Variants in ALCAM observed in about 807,000 individuals in gnomAD.
The protein encoded by ALCAM is CD166 antigen.
A neutral mutation model predicts 70.9 loss-of-function variants in ALCAM; 30 were observed. The observed-to-expected ratio is 0.42, with a 90% CI of 0.32 to 0.57. ALCAM has a LOEUF of 0.57. Ranked by LOEUF, ALCAM falls within the 20% of genes least tolerant of loss-of-function variation. The pLI, the probability that ALCAM is intolerant of heterozygous loss-of-function variation, is 0.11. For missense variants in ALCAM, 591 were observed against 695.1 expected, an observed-to-expected ratio of 0.85 and a Z score of 1.68; for synonymous variants, 249 against 242.5, an observed-to-expected ratio of 1.03 and a Z score of -0.25.
chr3:105,556,155 C>T (rs1209356464), intron 14 of ALCAM, among the ~76,000 whole-genome samples: 10 of 151,880 alleles, frequency 6.6e-5, no homozygotes, highest in Admixed American at 2.0e-4. Context: ...AAGATTCATT[C>T]CTATCTTGCA....
intron 1 of ALCAM, among the ~76,000 whole-genome samples, chr3:105,466,919 C>A (rs1005988234): frequency 2.0e-5 from 3 of 151,292 alleles, no homozygotes; most frequent in Non-Finnish European, 4.4e-5. Flanking sequence ...AAATGACTTA[C>A]ATTAAGTAAG....
chr3:105,464,384 C>G (rs1937656769), intron 1 of ALCAM, among the ~76,000 whole-genome samples: 1 of 151,054 alleles, frequency 6.6e-6, no homozygotes, highest in East Asian at 1.9e-4. Flanking sequence ...GAAATATTTT[C>G]TATTTAACAA....
At chr3:105,375,368 G>A (rs901262423) in intron 1 of ALCAM, among the ~76,000 whole-genome samples, 18 of 152,098 alleles carry the variant, frequency 1.2e-4, no homozygotes, top group African/African-American at 4.3e-4. Flanking sequence ...GTACTTCACT[G>A]TGATAAATGC....
intron 1 of ALCAM, among the ~76,000 whole-genome samples, chr3:105,403,386 C>T (rs577323691): frequency 6.6e-6 from 1 of 152,268 alleles, no homozygotes; most frequent in South Asian, 2.1e-4. Flanking sequence ...GGCTGCGAGA[C>T]CTGAAAACGG....
intron 14 of ALCAM, chr3:105,552,807 T>G: frequency 7.5e-7 from 1 of 1,339,582 alleles, no homozygotes; most frequent in Non-Finnish European, 9.6e-7. Flanking sequence ...CGTTTATTTG[T>G]CTCAATCAAT....
chr3:105,489,546 T>C (rs900251177), intron 1 of ALCAM, among the ~76,000 whole-genome samples: 1 of 152,222 alleles, frequency 6.6e-6, no homozygotes, highest in African/African-American at 2.4e-5. Context: ...ATATTCAACA[T>C]ATTATCAAGT....
chr3:105,368,511 A>G (rs1935141160), intron 1 of ALCAM, among the ~76,000 whole-genome samples: 1 of 151,558 alleles, frequency 6.6e-6, no homozygotes, highest in African/African-American at 2.4e-5. Flanking sequence ...GACAGTTGCC[A>G]GTTAAACTCC....
intron 1 of ALCAM, among the ~76,000 whole-genome samples, chr3:105,433,627 G>A (rs1233790462): frequency 6.6e-6 from 1 of 151,730 alleles, no homozygotes; most frequent in Non-Finnish European, 1.5e-5. Context: ...GTCCTCCTGG[G>A]TCTGTTGCCA....
At chr3:105,443,751 A>G (rs1937233001) in intron 1 of ALCAM, among the ~76,000 whole-genome samples, 1 of 152,204 alleles carries the variant, frequency 6.6e-6, no homozygotes, top group Non-Finnish European at 1.5e-5. Context: ...TGACATGAAT[A>G]ATTTTAAATC....
chr3:105,473,173 A>T (rs1024171835), intron 1 of ALCAM, among the ~76,000 whole-genome samples: 9 of 151,410 alleles, frequency 5.9e-5, no homozygotes, highest in South Asian at 2.1e-4. Flanking sequence ...TAATGTAAAA[A>T]ATATATATAT....
chr3:105,552,606 C>T, intron 14 of ALCAM, 21 bp downstream of exon 14: 1 of 1,610,534 alleles, frequency 6.2e-7, no homozygotes, highest in Non-Finnish European at 8.5e-7. Flanking sequence ...GAAAAAAGAT[C>T]TTCATCGTTC....
chr3:105,472,899 C>A (rs561325431), intron 1 of ALCAM, among the ~76,000 whole-genome samples: 1 of 151,256 alleles, frequency 6.6e-6, no homozygotes, highest in Non-Finnish European at 1.5e-5. Flanking sequence ...CATGATTCAA[C>A]GGAATAATGT....
intron 6 of ALCAM, among the ~76,000 whole-genome samples, chr3:105,535,509 A>G (rs555727491): frequency 2.0e-5 from 3 of 152,200 alleles, no homozygotes; most frequent in African/African-American, 7.2e-5. Context: ...ATCAATTACC[A>G]TTTCTTGAAA....
rs6437588 is a variant in ALCAM, at chr3:105,407,319, A to G, written c.73+39838A>G. Among the ~76,000 whole-genome samples the G allele has an allele frequency of 3.0e-3, 462 of 152,196 alleles. 3 individuals are homozygous for G. The highest frequency in any genetic ancestry group is 9.8e-3 in the African/African-American group (409 of 41,532). ...TAATGAACATAGATGCAAAAATCCT[A>G]AACAAAATGCTAGCAAACCAATTCC... is the stretch of plus-strand genomic sequence containing the variant. On this transcript the variant is annotated intron_variant, in intron 1 of 15. Transcript: ENST00000306107.
chr3:105,383,250 C>G (rs1428045640), intron 1 of ALCAM, among the ~76,000 whole-genome samples: 1 of 151,748 alleles, frequency 6.6e-6, no homozygotes, highest in Non-Finnish European at 1.5e-5. Flanking sequence ...ATTCTTCTCT[C>G]TCTCCCTTAG....
chr3:105,465,679 A>G (rs1020388336), intron 1 of ALCAM, among the ~76,000 whole-genome samples: 16 of 151,386 alleles, frequency 1.1e-4, no homozygotes, highest in African/African-American at 3.9e-4. Flanking sequence ...AGTTTAGGAA[A>G]TGTTTTACTT....
intron 1 of ALCAM, among the ~76,000 whole-genome samples, chr3:105,513,706 C>A (rs910380796): frequency 1.3e-5 from 2 of 151,870 alleles, no homozygotes; most frequent in African/African-American, 4.8e-5. Context: ...GCTTTTTGAT[C>A]ATTTCTAAAT....
At chr3:105,455,436 C>T (rs1225558720) in intron 1 of ALCAM, among the ~76,000 whole-genome samples, 6 of 96,010 alleles carry the variant, frequency 6.2e-5, no homozygotes, top group South Asian at 4.3e-4. Context: ...AGTGCGACAC[C>T]GTCTCAAAAA....
intron 1 of ALCAM, among the ~76,000 whole-genome samples, chr3:105,485,392 T>A (rs1938397677): frequency 1.3e-5 from 2 of 151,878 alleles, no homozygotes; most frequent in South Asian, 4.1e-4. Context: ...TGTGTGTGTG[T>A]GTGTGCGCGC....
Sources: gnomAD v4.1 joint callset for allele counts (sites outside exome capture counted in the v4.1 genomes callset) on GRCh38, gnomAD v4.1.1 for gene constraint, MANE v1.5 for transcripts, NCBI Gene and HGNC (gene_info 2026-07-23, HGNC 2026-07-21) for gene names.